NRG1: variants seen among roughly 807,000 people sequenced by gnomAD.
The protein encoded by NRG1 is neuregulin 1.
NRG1 carries 18 observed loss-of-function variants against 63.8 expected under a neutral mutation model. The ratio of observed to expected loss-of-function variants is 0.28; its 90% CI spans 0.19 to 0.42. The LOEUF is 0.42. Ranked by LOEUF, NRG1 falls within the 10% of genes least tolerant of loss-of-function variation. The pLI is 1.00. For synonymous variants in NRG1, 302 were observed against 301.3 expected, an observed-to-expected ratio of 1.00 and a Z score of -0.02; for missense variants, 762 against 814.7, an observed-to-expected ratio of 0.94 and a Z score of 0.79.
chr8:32,308,037 G>A lies in NRG1; in HGVS notation c.38-287791G>A, dbSNP rs988225234. 2.6e-5 allele frequency among the ~76,000 whole-genome samples: 4 copies of A among 152,066 alleles called. No individual in the cohort carries two copies. The East Asian group carries it at 5.8e-4, about 22-fold the overall frequency. On this transcript the variant is annotated intron_variant, in intron 1 of 10. Coordinates refer to the NRG1 transcript ENST00000519301. ...ACATTTGTAATCTGTTCTGGAAAAC[G>A]GGAACCATGCTCCATTTTCAACCTG...
chr8:31,644,927 A>G (rs28612862), intron 1 of NRG1, among the ~76,000 whole-genome samples: 2,624 of 152,270 alleles, frequency 0.017, 62 homozygotes, highest in African/African-American at 0.059. Flanking sequence ...CTTTGTATAG[A>G]TAAATGATAA....
downstream of NRG1, among the ~76,000 whole-genome samples, chr8:32,771,842 G>A (rs1165968202): frequency 6.8e-6 from 1 of 146,814 alleles, no homozygotes; most frequent in Non-Finnish European, 1.5e-5. Context: ...GACCAACATG[G>A]TGAAACCTCG....
At chr8:32,396,497 G>A (rs1563406484) in intron 1 of NRG1, among the ~76,000 whole-genome samples, 1 of 152,128 alleles carries the variant, frequency 6.6e-6, no homozygotes, top group Non-Finnish European at 1.5e-5. Context: ...TGCCCAGGCT[G>A]GAATGCAATA....
chr8:31,884,035 G>C (rs1830544655), intron 1 of NRG1, among the ~76,000 whole-genome samples: 1 of 151,942 alleles, frequency 6.6e-6, no homozygotes, highest in Non-Finnish European at 1.5e-5. Context: ...TAAATGTTTT[G>C]ATTATTACTA....
chr8:31,669,588 T>C (rs1006310499), intron 1 of NRG1, among the ~76,000 whole-genome samples: 3 of 152,166 alleles, frequency 2.0e-5, no homozygotes, highest in Admixed American at 1.3e-4. Context: ...TTTGTGTACA[T>C]TGAACCATCA....
At chr8:32,479,172 G>A (rs183141251) in intron 1 of NRG1, among the ~76,000 whole-genome samples, 73 of 152,246 alleles carry the variant, frequency 4.8e-4, no homozygotes, top group African/African-American at 1.7e-3. Context: ...TACCTTATGG[G>A]AGAATTAAAT....
At chr8:31,884,552 C>T (rs1830580230) in intron 1 of NRG1, among the ~76,000 whole-genome samples, 1 of 152,094 alleles carries the variant, frequency 6.6e-6, no homozygotes, top group Non-Finnish European at 1.5e-5. Context: ...TGTGACCACT[C>T]CCTTTTTGCC....
intron 1 of NRG1, among the ~76,000 whole-genome samples, chr8:31,777,395 G>A (rs1819251486): frequency 6.6e-6 from 1 of 152,242 alleles, no homozygotes; most frequent in African/African-American, 2.4e-5. Context: ...AGGAAACACT[G>A]AGGACCAGAG....
At chr8:31,639,412 G>A in exon 1 of NRG1, 4 of 1,534,826 alleles carry the variant, frequency 2.6e-6, no homozygotes, top group Non-Finnish European at 3.5e-6. Flanking sequence ...AAGGACGCGC[G>A]GGCCGAGTTG....
intron 1 of NRG1, among the ~76,000 whole-genome samples, chr8:32,454,489 C>T (rs1821350844): frequency 6.7e-6 from 1 of 148,932 alleles, no homozygotes; most frequent in Non-Finnish European, 1.5e-5. Flanking sequence ...CAATTAAAAA[C>T]TTGTCAAATG....
In NRG1 at chr8:32,167,526, C is replaced by A. The variant is rs368824971; in HGVS notation, c.38-428302C>A. 2.4e-4 allele frequency among the ~76,000 whole-genome samples: 36 copies of A among 152,276 alleles called. 1 individual carries two copies. The East Asian group carries it at 3.9e-3, about 16-fold the overall frequency. ...ATCATTTCTACAAAATAACCCTCCA[C>A]TGGTTGATATTCTTCCCAGATCTAC... On this transcript the variant is annotated intron_variant, in intron 1 of 10. Transcript: ENST00000519301.
chr8:32,184,889 G>C (rs1841815884), intron 1 of NRG1, among the ~76,000 whole-genome samples: 1 of 152,104 alleles, frequency 6.6e-6, no homozygotes, highest in South Asian at 2.1e-4. Flanking sequence ...TACTTCCTTG[G>C]GAAGTCTTTA....
chr8:31,639,541 G>A, intron 1 of NRG1: 2 of 1,464,822 alleles, frequency 1.4e-6, no homozygotes, highest in South Asian at 2.6e-5. Flanking sequence ...TCTCCCAGCC[G>A]CTTGCTCGCA....
chr8:32,245,691 C>T (rs1410551781), intron 1 of NRG1, among the ~76,000 whole-genome samples: 1 of 152,104 alleles, frequency 6.6e-6, no homozygotes. Context: ...CAAAATAAAG[C>T]TAGTACCATC....
At chr8:31,820,617 A>G (rs2129603463) in intron 1 of NRG1, among the ~76,000 whole-genome samples, 1 of 152,304 alleles carries the variant, frequency 6.6e-6, no homozygotes, top group East Asian at 1.9e-4. Context: ...TTATTATACA[A>G]AGTTCTGGGG....
intron 7 of NRG1, chr8:32,751,184 G>A (rs964141132): frequency 1.4e-4 from 22 of 152,252 alleles, no homozygotes; most frequent in African/African-American, 4.8e-4. Context: ...GAGGCTCATA[G>A]TTCCAGGCTT....
At chr8:31,745,805 G>A (rs7006265) in intron 1 of NRG1, among the ~76,000 whole-genome samples, 123,721 of 151,800 alleles carry the variant, frequency 0.82, 50,522 homozygotes, top group Admixed American at 0.86. Flanking sequence ...TATCTTTATT[G>A]TTATCAAGTA....
chr8:31,671,352 T>G (rs1301395432), intron 1 of NRG1, among the ~76,000 whole-genome samples: 1 of 152,168 alleles, frequency 6.6e-6, no homozygotes, highest in Non-Finnish European at 1.5e-5. Flanking sequence ...TATTTATTTA[T>G]TTTTGTTTGT....
chr8:32,173,622 C>T (rs1840338404), intron 1 of NRG1, among the ~76,000 whole-genome samples: 1 of 151,978 alleles, frequency 6.6e-6, no homozygotes, highest in Non-Finnish European at 1.5e-5. Flanking sequence ...CACACATAGG[C>T]TCAAAATAAA....
Sources: allele counts gnomAD v4.1 joint callset (sites outside exome capture counted in the v4.1 genomes callset), GRCh38; gene constraint gnomAD v4.1.1; transcripts MANE v1.5; gene names NCBI Gene and HGNC (gene_info 2026-07-23, HGNC 2026-07-21).